Variants in RAB27A observed in about 807,000 individuals in gnomAD.
RAB27A encodes ras-related protein Rab-27A.
A neutral mutation model predicts 20.8 loss-of-function variants in RAB27A; 17 were observed. The observed-to-expected ratio is 0.82, with a 90% CI of 0.56 to 1.23. The LOEUF is 1.23. RAB27A is among the 50% of genes most tolerant of loss of function. The probability of loss-of-function intolerance (pLI) is 0.00; values close to 1 mark genes in which losing one functional copy is unlikely to be tolerated. For missense variants in RAB27A, 277 were observed against 266.7 expected, an observed-to-expected ratio of 1.04 and a Z score of -0.27; for synonymous variants, 85 against 92.8, an observed-to-expected ratio of 0.92 and a Z score of 0.48.
chr15:55,303,528 T>A (rs1351522345), intron 2 of RAB27A, among the ~76,000 whole-genome samples: 14 of 38,772 alleles, frequency 3.6e-4, no homozygotes, highest in African/African-American at 1.3e-3. Context: ...GGAGCCCCTC[T>A]GCCCGGCCAG....
At chr15:55,293,289 C>T (rs780262884), upstream of RAB27A, among the ~76,000 whole-genome samples, 4 of 151,838 alleles carry the variant, frequency 2.6e-5, no homozygotes, top group East Asian at 1.9e-4. Context: ...AAAGTAGCTA[C>T]GAGTACACTT....
chr15:55,266,130 G>A (rs1012451633), intron 2 of RAB27A, among the ~76,000 whole-genome samples: 2 of 152,208 alleles, frequency 1.3e-5, no homozygotes, highest in Non-Finnish European at 2.9e-5. Flanking sequence ...AGGTCTTTGG[G>A]AAGTAATTAG....
chr15:55,307,563 CTG>C (rs1201149727), intron 2 of RAB27A, among the ~76,000 whole-genome samples: 1 of 151,964 alleles, frequency 6.6e-6, no homozygotes, highest in Non-Finnish European at 1.5e-5. Context: ...CATTGTCACT[CTG>C]TAAGCCTCAG....
chr15:55,254,044 T>G (rs938172187), intron 2 of RAB27A, among the ~76,000 whole-genome samples: 3 of 152,192 alleles, frequency 2.0e-5, no homozygotes, highest in African/African-American at 7.2e-5. Context: ...GCATGAGAGA[T>G]AACTGTAAAG....
chr15:55,232,060 G>A (rs1266082704), intron 3 of RAB27A, among the ~76,000 whole-genome samples: 2 of 152,188 alleles, frequency 1.3e-5, no homozygotes, highest in Non-Finnish European at 2.9e-5. Context: ...ACTTCTGACT[G>A]ACTTTGAGGT....
intron 2 of RAB27A, among the ~76,000 whole-genome samples, chr15:55,263,961 C>T (rs1897365832): frequency 6.6e-6 from 1 of 152,246 alleles, no homozygotes; most frequent in Non-Finnish European, 1.5e-5. Context: ...CCACATTAAA[C>T]ATCGTAAGAG....
chr15:55,211,357 T>A (rs1820984615), intron 6 of RAB27A, among the ~76,000 whole-genome samples: 1 of 152,220 alleles, frequency 6.6e-6, no homozygotes, highest in African/African-American at 2.4e-5. Flanking sequence ...TGTTATCATT[T>A]TAACAATATT....
chr15:55,220,534 G>C (rs1020725177), intron 6 of RAB27A, among the ~76,000 whole-genome samples: 1 of 152,054 alleles, frequency 6.6e-6, no homozygotes, highest in Non-Finnish European at 1.5e-5. Context: ...GCCTCCCAAA[G>C]TGCTGGCATT....
In RAB27A at chr15:55,258,030, G is replaced by GCA. The variant is rs1897143056; in HGVS notation, c.-23+12133_-23+12134dup. 2.8e-5 allele frequency among the ~76,000 whole-genome samples: 4 copies of GCA among 141,316 alleles called. No individual in the cohort carries two copies. The South Asian group carries it at 6.7e-4, about 24-fold the overall frequency. 92.7% of individuals were successfully genotyped at this position (141,316 alleles called of 152,430 possible). On this transcript the variant is annotated intron_variant, in intron 2 of 6. Coordinates refer to ENST00000336787, the MANE Select transcript of RAB27A (RefSeq NM_183235.3). ...TGCAGTGAGCTGAGATCGCACCACT[G>GCA]CACTCCAGCCTGGGCGATACAGCGA...
chr15:55,226,405 G>T (rs1377239341), intron 5 of RAB27A, among the ~76,000 whole-genome samples: 4 of 152,106 alleles, frequency 2.6e-5, no homozygotes, highest in Non-Finnish European at 4.4e-5. Flanking sequence ...AAAGGGGAGG[G>T]TATATAGACC....
At chr15:55,224,292 C>G (rs1895710455) in intron 5 of RAB27A, among the ~76,000 whole-genome samples, 1 of 152,250 alleles carries the variant, frequency 6.6e-6, no homozygotes, top group Non-Finnish European at 1.5e-5. Flanking sequence ...TGCACACGCA[C>G]ACATATGCAC....
At chr15:55,224,165 TA>T (rs1042891293) in intron 5 of RAB27A, among the ~76,000 whole-genome samples, 153 bp from the exon 6 acceptor site, 251 of 152,300 alleles carry the variant, frequency 1.6e-3, no homozygotes, top group African/African-American at 5.9e-3. Flanking sequence ...ATCTTATCTG[TA>T]AAGCTGAATA....
At chr15:55,214,157 C>A (rs1162683645) in intron 6 of RAB27A, among the ~76,000 whole-genome samples, 1 of 152,224 alleles carries the variant, frequency 6.6e-6, no homozygotes, top group Non-Finnish European at 1.5e-5. Flanking sequence ...CTGGTTGAGG[C>A]CGGGCGCGAT....
chr15:55,271,291 T>C (rs1897698128), intron 1 of RAB27A, among the ~76,000 whole-genome samples: 1 of 152,248 alleles, frequency 6.6e-6, no homozygotes, highest in South Asian at 2.1e-4. Context: ...GTACGTTTTA[T>C]AATTCGCTAA....
chr15:55,220,253 G>A (rs1489102095), intron 6 of RAB27A, among the ~76,000 whole-genome samples: 3 of 148,304 alleles, frequency 2.0e-5, no homozygotes, highest in African/African-American at 7.5e-5. Flanking sequence ...TTGTTTGTTT[G>A]TTTGTTTTTG....
chr15:55,241,911 T>C (rs1896508281), intron 2 of RAB27A, among the ~76,000 whole-genome samples: 1 of 152,070 alleles, frequency 6.6e-6, no homozygotes, highest in African/African-American at 2.4e-5. Context: ...AAAAATACTT[T>C]TTAAGTGTTT....
chr15:55,231,706 C>G (rs554284941), intron 3 of RAB27A, among the ~76,000 whole-genome samples: 1 of 152,040 alleles, frequency 6.6e-6, no homozygotes, highest in African/African-American at 2.4e-5. Flanking sequence ...CCTAAAAGTC[C>G]CATACTGAGA....
chr15:55,221,518 C>T (rs1895568884), intron 6 of RAB27A, among the ~76,000 whole-genome samples: 1 of 152,156 alleles, frequency 6.6e-6, no homozygotes. Flanking sequence ...CTGTCAGCCT[C>T]CCCCTCAGAA....
At chr15:55,278,328 G>A (rs1346417467) in intron 1 of RAB27A, among the ~76,000 whole-genome samples, 1 of 152,102 alleles carries the variant, frequency 6.6e-6, no homozygotes, top group African/African-American at 2.4e-5. Flanking sequence ...GAGCCCTGGG[G>A]TATTTATGTC....
Sources: allele counts gnomAD v4.1 joint callset (sites outside exome capture counted in the v4.1 genomes callset), GRCh38; gene constraint gnomAD v4.1.1; transcripts MANE v1.5; gene names NCBI Gene and HGNC (gene_info 2026-07-23, HGNC 2026-07-21).